Variants in TENM4 observed in about 807,000 individuals in gnomAD.
TENM4 encodes teneurin-4.
TENM4 carries 82 observed loss-of-function variants against 243.3 expected under a neutral mutation model. The ratio of observed to expected loss-of-function variants is 0.34; its 90% confidence interval spans 0.28 to 0.40. TENM4 has a LOEUF of 0.40. TENM4 is among the 10% of genes least tolerant of loss of function. The pLI is 1.00. For missense variants in TENM4, 3,138 were observed against 3,673.3 expected, an observed-to-expected ratio of 0.85 and a Z score of 3.77; for synonymous variants, 1,412 against 1,456.3, an observed-to-expected ratio of 0.97 and a Z score of 0.69.
At chr11:79,019,343 T>C (rs1277699234) in intron 6 of TENM4, among the ~76,000 whole-genome samples, 3 of 152,158 alleles carry the variant, frequency 2.0e-5, no homozygotes, top group African/African-American at 7.2e-5. Context: ...CTTACTTCTT[T>C]GGGAATGGGG....
At chr11:79,392,954 T>C (rs780051174) in intron 1 of TENM4, among the ~76,000 whole-genome samples, 2 of 152,102 alleles carry the variant, frequency 1.3e-5, no homozygotes, top group African/African-American at 2.4e-5. Context: ...TAGTGAGAAA[T>C]CCATTTTGGC....
chr11:78,903,931 G>T (rs72943591), intron 6 of TENM4: 34,035 of 468,788 alleles, frequency 0.073, 1,525 homozygotes, highest in African/African-American at 0.14. Context: ...GCCCCAGGCT[G>T]ACTGAATCAT....
At chr11:79,001,465 T>A (rs895974488) in intron 6 of TENM4, among the ~76,000 whole-genome samples, 1 of 139,070 alleles carries the variant, frequency 7.2e-6, no homozygotes, top group Non-Finnish European at 1.5e-5. Flanking sequence ...TCCAGAATCC[T>A]GGCAGCAGGA....
At chr11:79,382,075 G>C (rs1858015862) in intron 1 of TENM4, among the ~76,000 whole-genome samples, 1 of 152,180 alleles carries the variant, frequency 6.6e-6, no homozygotes, top group African/African-American at 2.4e-5. Context: ...TCTCAACTTA[G>C]ACATAATTAC....
intron 19 of TENM4, among the ~76,000 whole-genome samples, chr11:78,751,256 G>C (rs1401564945): frequency 6.6e-6 from 1 of 152,094 alleles, no homozygotes; most frequent in Non-Finnish European, 1.5e-5. Context: ...CTGACCCTCT[G>C]TATAGGATAC....
At chr11:79,433,180 C>A (rs1859203647) in intron 1 of TENM4, among the ~76,000 whole-genome samples, 1 of 152,176 alleles carries the variant, frequency 6.6e-6, no homozygotes, top group Non-Finnish European at 1.5e-5. Flanking sequence ...AAAGTCAGAG[C>A]AGTAGATAGC....
chr11:78,719,662 G>A (rs1201179549), intron 25 of TENM4, among the ~76,000 whole-genome samples: 1 of 152,222 alleles, frequency 6.6e-6, no homozygotes, highest in East Asian at 1.9e-4. Context: ...ACCACAATGT[G>A]TGTGAGGTCA....
chr11:79,125,667 C>T (rs935404023), intron 4 of TENM4, among the ~76,000 whole-genome samples: 1 of 152,170 alleles, frequency 6.6e-6, no homozygotes, highest in Non-Finnish European at 1.5e-5. Context: ...GTAGTGGCAA[C>T]ATTCCCTCCC....
At chr11:79,330,232 C>A (rs1403984984) in intron 1 of TENM4, among the ~76,000 whole-genome samples, 1 of 152,178 alleles carries the variant, frequency 6.6e-6, no homozygotes, top group Non-Finnish European at 1.5e-5. Context: ...AGCACACAAC[C>A]AGGTTCAGGG....
At chr11:79,037,187 C>A (rs1859411577) in intron 6 of TENM4, among the ~76,000 whole-genome samples, 1 of 152,158 alleles carries the variant, frequency 6.6e-6, no homozygotes, top group African/African-American at 2.4e-5. Context: ...TGCACATGGG[C>A]CAGCTGCCTG....
chr11:79,151,634 A>G (rs571661397), intron 3 of TENM4, among the ~76,000 whole-genome samples: 47 of 151,926 alleles, frequency 3.1e-4, no homozygotes, highest in South Asian at 6.2e-4. Flanking sequence ...CCCTTACCCA[A>G]TCCCCACATT....
intron 3 of TENM4, among the ~76,000 whole-genome samples, chr11:79,170,510 T>C (rs1260379858): frequency 6.6e-6 from 1 of 152,144 alleles, no homozygotes; most frequent in African/African-American, 2.4e-5. Context: ...TATACTGAAG[T>C]AGGGCAGGCC....
intron 1 of TENM4, among the ~76,000 whole-genome samples, chr11:79,392,172 C>T (rs529651977): frequency 2.6e-5 from 4 of 152,344 alleles, no homozygotes; most frequent in African/African-American, 7.2e-5. Context: ...GGAGATGGAG[C>T]TGGGTCTCAG....
intron 6 of TENM4, among the ~76,000 whole-genome samples, chr11:79,037,346 G>C (rs1859415502): frequency 6.6e-6 from 1 of 152,218 alleles, no homozygotes; most frequent in South Asian, 2.1e-4. Flanking sequence ...CCCTGGCCTT[G>C]GGTTGAGGTG....
In TENM4 at chr11:79,339,094, T is replaced by C. The variant is rs76268436; in HGVS notation, c.-320-41551A>G. ...GCCAGGAAGATCCAGCAGAAAGTGG[T>C]TTTCCCTGTACTCCAACTCCAGCAT... On this transcript the variant is annotated intron_variant, in intron 1 of 33. Transcript: ENST00000278550. 3.4e-3 allele frequency among the ~76,000 whole-genome samples: 517 copies of C among 152,266 alleles called. 6 individuals carry two copies. The highest frequency in any genetic ancestry group is 0.012 in the African/African-American group (493 of 41,552).
chr11:79,062,080 G>T (rs1860106155), intron 6 of TENM4, among the ~76,000 whole-genome samples: 1 of 151,208 alleles, frequency 6.6e-6, no homozygotes, highest in Non-Finnish European at 1.5e-5. Context: ...TCCTGCCTCA[G>T]CCTCCTGAGT....
intron 6 of TENM4, among the ~76,000 whole-genome samples, chr11:78,942,589 C>A (rs146795460): frequency 1.3e-5 from 2 of 152,272 alleles, no homozygotes; most frequent in Non-Finnish European, 2.9e-5. Context: ...AGGGCAAAGG[C>A]TGACCGACCT....
chr11:79,118,638 G>C (rs1244108122), intron 4 of TENM4, among the ~76,000 whole-genome samples: 1 of 152,114 alleles, frequency 6.6e-6, no homozygotes, highest in Non-Finnish European at 1.5e-5. Flanking sequence ...CCTCTTAAAA[G>C]TGGAATCATA....
intron 4 of TENM4, among the ~76,000 whole-genome samples, chr11:79,087,923 C>T (rs376076742): frequency 7.0e-4 from 106 of 152,348 alleles, no homozygotes; most frequent in African/African-American, 2.5e-3. Flanking sequence ...CCCTCAGCAA[C>T]TGTGGCTGCC....
Sources: allele counts gnomAD v4.1 joint callset (sites outside exome capture counted in the v4.1 genomes callset), GRCh38; gene constraint gnomAD v4.1.1; transcripts MANE v1.5; gene names NCBI Gene and HGNC (gene_info 2026-07-23, HGNC 2026-07-21).